The following RUNX1 variants were observed in gnomAD, a reference collection of about 807,000 sequenced individuals.
RUNX1 encodes RUNX family transcription factor 1, also known as runt-related transcription factor 1.
Under a neutral mutation model 42.8 loss-of-function variants are expected in RUNX1, and 19 were observed. That is an observed-to-expected ratio of 0.44 (90% CI 0.31 to 0.65). The LOEUF is 0.65. RUNX1 is among the 30% of genes least tolerant of loss of function. The pLI, the probability that RUNX1 is intolerant of heterozygous loss-of-function variation, is 0.07. For missense variants in RUNX1, 528 were observed against 672.0 expected, an observed-to-expected ratio of 0.79 and a Z score of 2.37; for synonymous variants, 271 against 289.4, an observed-to-expected ratio of 0.94 and a Z score of 0.64.
Position 35,033,122 on chromosome 21 carries a change from C to CCCAT in RUNX1, c.58+15719_58+15720insATGG. On this transcript the variant is annotated intron_variant, in intron 2 of 8. Coordinates refer to ENST00000675419, the MANE Select transcript of RUNX1 (RefSeq NM_001754.5). ...ATTTGTCCATCTGTCCATCTGCTGG[C>CCCAT]TCATTCATTCATTCATTCAACTATC... is the stretch of plus-strand genomic sequence containing the variant. Among the ~76,000 whole-genome samples, 4 of 151,598 alleles carry CCCAT rather than the reference C, an allele frequency of 2.6e-5. No homozygotes were observed. In the South Asian group the frequency reaches 8.3e-4, roughly 31 times the overall value.
At chr21:34,857,241 G>C (rs930222902) in intron 6 of RUNX1, among the ~76,000 whole-genome samples, 2 of 152,168 alleles carry the variant, frequency 1.3e-5, no homozygotes, top group Non-Finnish European at 2.9e-5. Context: ...AATCCCTTCT[G>C]TCTGCTCAGA....
At chr21:34,891,768 C>CA (rs2058083172) in intron 3 of RUNX1, among the ~76,000 whole-genome samples, 2 of 151,196 alleles carry the variant, frequency 1.3e-5, no homozygotes, top group South Asian at 4.2e-4. Context: ...CAGATTTTTC[C>CA]AAATTTTGTT....
intron 2 of RUNX1, among the ~76,000 whole-genome samples, chr21:34,972,799 T>A (rs551227710): frequency 6.6e-6 from 1 of 152,252 alleles, no homozygotes; most frequent in African/African-American, 2.4e-5. Context: ...GGCATCTTCT[T>A]TTATAATAAT....
In RUNX1 at chr21:34,788,747, C is replaced by G. The variant is rs990638463; in HGVS notation, c.*3388G>C. 5 of 233,374 alleles carry G rather than the reference C, an allele frequency of 2.1e-5. No individual in the cohort carries two copies. The highest frequency in any genetic ancestry group is 4.2e-5 in the Non-Finnish European group (5 of 117,984). 14.5% of individuals were successfully genotyped at this position (233,374 alleles called of 1,614,324 possible). On this transcript the variant is annotated 3_prime_UTR_variant, in exon 9 of 9. Coordinates refer to ENST00000675419, the MANE Select transcript of RUNX1 (RefSeq NM_001754.5). The stretch of plus-strand genomic sequence containing the variant: ...CAACAAACACACAAAAATCCCAAAA[C>G]AAATGTATACGCTACGGTAAACAAA...
At chr21:34,975,413 C>G (rs957286625) in intron 2 of RUNX1, among the ~76,000 whole-genome samples, 1 of 152,170 alleles carries the variant, frequency 6.6e-6, no homozygotes, top group African/African-American at 2.4e-5. Context: ...AGTATAACAA[C>G]TATTTGCATA....
intron 7 of RUNX1, chr21:34,833,914 T>C: frequency 3.2e-6 from 1 of 310,846 alleles, no homozygotes; most frequent in South Asian, 2.9e-5. Context: ...ATGACATCCA[T>C]ACATTTCAAC....
intron 2 of RUNX1, among the ~76,000 whole-genome samples, chr21:35,019,103 T>G (rs1014066115): frequency 1.5e-4 from 23 of 152,240 alleles, no homozygotes; most frequent in African/African-American, 5.3e-4. Flanking sequence ...TAGATTGGCC[T>G]GGGCTAACCT....
rs529325438 is a variant in RUNX1 at position 34,803,548 on chromosome 21, GAAAA to G, written c.806-4090_806-4087del. On this transcript the variant is annotated intron_variant, in intron 7 of 8. Transcript: ENST00000675419. ...GGTGACAGAGCCAGACTCCGTCTCA[GAAAA>G]AAAAAAATAATAATAAATAAAAAAC... is the stretch of plus-strand genomic sequence containing the variant. Among the ~76,000 whole-genome samples, 585 of 145,198 alleles carry G rather than the reference GAAAA, an allele frequency of 4.0e-3. 2 individuals carry two copies. Among genetic ancestry groups the G allele is most frequent in the African/African-American group, 0.014 (558 of 39,612 alleles).
intron 2 of RUNX1, among the ~76,000 whole-genome samples, chr21:35,013,558 T>C (rs534849920): frequency 2.0e-5 from 3 of 152,108 alleles, no homozygotes; most frequent in African/African-American, 7.2e-5. Flanking sequence ...AAAAAAATAA[T>C]AAAACAAAGT....
At chr21:34,980,553 C>T (rs563448381) in intron 2 of RUNX1, among the ~76,000 whole-genome samples, 11 of 152,210 alleles carry the variant, frequency 7.2e-5, no homozygotes, top group Non-Finnish European at 1.3e-4. Context: ...CAAAGAGACA[C>T]GAATTAAAAA....
At chr21:35,007,251 G>A (rs773015496) in intron 2 of RUNX1, among the ~76,000 whole-genome samples, 6 of 152,136 alleles carry the variant, frequency 3.9e-5, no homozygotes, top group East Asian at 3.9e-4. Flanking sequence ...GTTCATCTGC[G>A]GGCTTGTGTT....
chr21:34,873,790 C>T (rs1432158947), intron 5 of RUNX1, among the ~76,000 whole-genome samples: 1 of 152,208 alleles, frequency 6.6e-6, no homozygotes, highest in Non-Finnish European at 1.5e-5. Context: ...ATTGCTCTGT[C>T]TTCAACAGAG....
At chr21:34,834,344 G>C in intron 7 of RUNX1, 66 bp downstream of exon 7, 1 of 1,524,398 alleles carries the variant, frequency 6.6e-7, no homozygotes, top group Non-Finnish European at 9.1e-7. Flanking sequence ...TGTGCACATG[G>C]GGGCCAGTTG....
At chr21:34,931,193 T>C (rs1473939209) in intron 2 of RUNX1, among the ~76,000 whole-genome samples, 2 of 152,102 alleles carry the variant, frequency 1.3e-5, no homozygotes, top group Non-Finnish European at 2.9e-5. Flanking sequence ...ACATCTGTGC[T>C]GCCTAGAGGT....
intron 2 of RUNX1, among the ~76,000 whole-genome samples, chr21:35,038,249 C>T (rs1952777741): frequency 6.6e-6 from 1 of 152,082 alleles, no homozygotes; most frequent in African/African-American, 2.4e-5. Flanking sequence ...ATTCTAAAGC[C>T]CACAGGCTTC....
At chr21:34,890,882 G>A (rs924995949) in intron 3 of RUNX1, among the ~76,000 whole-genome samples, 11 of 152,016 alleles carry the variant, frequency 7.2e-5, no homozygotes, top group African/African-American at 2.4e-4. Flanking sequence ...AAACCTTTTC[G>A]CCTGGTCTCC....
At chr21:35,035,409 G>C (rs2059300674) in intron 2 of RUNX1, among the ~76,000 whole-genome samples, 1 of 152,198 alleles carries the variant, frequency 6.6e-6, no homozygotes, top group African/African-American at 2.4e-5. Flanking sequence ...GAGGCCAGAT[G>C]GGAGTGGGAA....
intron 2 of RUNX1, among the ~76,000 whole-genome samples, chr21:34,976,775 G>A (rs1391544675): frequency 6.6e-6 from 1 of 152,082 alleles, no homozygotes; most frequent in South Asian, 2.1e-4. Flanking sequence ...GTTATTATAC[G>A]TCCCTTAGGC....
intron 2 of RUNX1, among the ~76,000 whole-genome samples, chr21:34,894,027 A>G (rs182849090): frequency 5.3e-4 from 81 of 152,288 alleles, no homozygotes; most frequent in Middle Eastern, 3.4e-3. Context: ...AGATAAAATG[A>G]CTCCATGAAG....
Sources: gnomAD v4.1 joint callset for allele counts (sites outside exome capture counted in the v4.1 genomes callset) on GRCh38, gnomAD v4.1.1 for gene constraint, MANE v1.5 for transcripts, NCBI Gene and HGNC (gene_info 2026-07-23, HGNC 2026-07-21) for gene names.